The following MARF1 variants were observed in gnomAD, a reference collection of about 807,000 sequenced individuals.
MARF1 encodes the protein meiosis regulator and mRNA stability factor 1.
A neutral mutation model predicts 168.2 loss-of-function variants in MARF1; 24 were observed. That is an observed-to-expected ratio of 0.14 (90% confidence interval 0.10 to 0.20). The LOEUF (loss-of-function observed/expected upper bound fraction) is 0.20, where lower values mean the gene tolerates loss of function less well. Among genes scored for constraint, MARF1 ranks in the 10% least tolerant of loss-of-function variants. The probability of loss-of-function intolerance (pLI) is 1.00; values close to 1 mark genes in which losing one functional copy is unlikely to be tolerated. For missense variants in MARF1, 1,744 were observed against 2,143.6 expected (o/e 0.81, Z 3.68); for synonymous variants, 868 against 822.4 (o/e 1.06, Z -0.95).
In MARF1 at chr16:15,634,347, A is replaced by G. The variant is rs542877448; in HGVS notation, c.1006+410T>C. ...AAAAATGTTTTCAAAACGTCGCATT[A>G]ACTACTTTTTAGGGAAATTATTTTA... On this transcript the variant is annotated intron_variant, in intron 4 of 26. Coordinates refer to ENST00000396368, the MANE Select transcript of MARF1 (RefSeq NM_014647.4). 8.7e-4 allele frequency among the ~76,000 whole-genome samples: 132 copies of G among 152,344 alleles called. 4 individuals are homozygous for G. The South Asian group carries it at 0.024, about 28-fold the overall frequency.
rs747503717 is a variant in MARF1 at position 15,598,851 on chromosome 16, C to A, written c.4984+3G>T. On this transcript the variant is annotated splice_donor_region_variant and intron_variant, in intron 26 of 26. Coordinates refer to ENST00000396368, the MANE Select transcript of MARF1 (RefSeq NM_014647.4). ...ATCCCCATGACAACATGGAGTCACC[C>A]ACCAGAAGGCTCTTGAGGGCGCTCC... 6 of 1,613,974 alleles carry A rather than the reference C, an allele frequency of 3.7e-6. No individual in the cohort carries two copies. In the East Asian group the frequency reaches 1.1e-4, roughly 30 times the overall value.
chr16:15,627,904 C>CCGTA (rs2034984292), intron 7 of MARF1, among the ~76,000 whole-genome samples: 1 of 152,158 alleles, frequency 6.6e-6, no homozygotes, highest in African/African-American at 2.4e-5. Flanking sequence ...TAAATTAGTA[C>CCGTA]CACCTTCCTG....
Position 15,608,532 on chromosome 16 carries a change from CGGGGGGAGGAAA to C in MARF1, c.3955-26_3955-15del, listed in dbSNP as rs1399025102. The C allele has an allele frequency of 6.3e-7, 1 of 1,575,664 alleles. No individual in the cohort carries two copies. Among genetic ancestry groups the C allele is most frequent in the Admixed American group, 1.7e-5 (1 of 59,192 alleles). The stretch of plus-strand genomic sequence containing the variant: ...ACATTCCAATACCTTTGAAAACACA[CGGGGGGAGGAAA>C]GGGAAAATAAACAAATCACGGGTGT... On this transcript the variant is annotated splice_polypyrimidine_tract_variant and intron_variant, in intron 20 of 26. Transcript: ENST00000396368.
chr16:15,642,893 C>G (rs1245717450), intron 1 of MARF1, 125 bp downstream of exon 1: 1 of 167,128 alleles, frequency 6.0e-6, no homozygotes. Flanking sequence ...TAGCTAACCT[C>G]CCCTCTCCAC....
At chr16:15,599,483 G>C (rs548702999) in intron 25 of MARF1, among the ~76,000 whole-genome samples, 6 of 152,348 alleles carry the variant, frequency 3.9e-5, no homozygotes, top group Admixed American at 2.0e-4. Context: ...ACGGAGGTCA[G>C]CACTGCTGAA....
chr16:15,613,519 G>A (rs1284485996), intron 16 of MARF1, among the ~76,000 whole-genome samples: 5 of 151,592 alleles, frequency 3.3e-5, no homozygotes, highest in South Asian at 2.1e-4. Context: ...AAAATTAGCC[G>A]GGCGTGGTGG....
intron 8 of MARF1, 80 bp downstream of exon 8, chr16:15,625,292 C>T: frequency 1.3e-6 from 2 of 1,546,668 alleles, no homozygotes; most frequent in South Asian, 1.2e-5. Context: ...AGGGACACGC[C>T]AAAAGCAAGC....
chr16:15,624,311 C>T (rs769336372), intron 10 of MARF1, among the ~76,000 whole-genome samples: 1 of 152,238 alleles, frequency 6.6e-6, no homozygotes, highest in South Asian at 2.1e-4. Flanking sequence ...CACGGCCTTA[C>T]GGCTTCTCTG....
At position 15,636,303 on chromosome 16, in the gene MARF1, T is replaced by G. The variant is rs770000284; in HGVS notation, c.184A>C (p.Lys62Gln). 1.9e-6 allele frequency: 3 copies of G among 1,581,546 alleles called. No individual in the cohort carries two copies. Among genetic ancestry groups the G allele is most frequent in the Non-Finnish European group, 1.7e-6 (2 of 1,162,664 alleles). ...GCATGAAGGGGTGATGGTACATCCT[T>G]TAGTTCCACAGCAACTTTCTTGTTC... The part of the protein sequence containing the change: ...MENKKVAVEL[K>Q]DVPSPLHAGS... Residue 62 changes from lysine to glutamine, a missense_variant, in exon 3 of 27, where the codon AAG (lysine) becomes CAG (glutamine). Lys to Gln is a moderately conservative substitution (Grantham distance 53, BLOSUM62 1). Coordinates refer to ENST00000396368, the MANE Select transcript of MARF1 (RefSeq NM_014647.4).
rs778161544 is a variant in MARF1 at position 15,616,903 on chromosome 16, G to A, written c.3077+149C>T. 1.7e-5 allele frequency: 19 copies of A among 1,132,688 alleles called. No individual in the cohort carries two copies. The Admixed American group carries it at 2.2e-4, about 13-fold the overall frequency. 70.2% of individuals were successfully genotyped at this position (1,132,688 alleles called of 1,614,324 possible). On this transcript the variant is annotated intron_variant, in intron 15 of 26. Coordinates refer to ENST00000396368, the MANE Select transcript of MARF1 (RefSeq NM_014647.4). The stretch of plus-strand genomic sequence containing the variant: ...GTTGGCCAAAATTTTGTTATGTGGT[G>A]CATGACTGTACTTTGACTGAAGGCT...
At chr16:15,627,892 T>G (rs1442190007) in intron 7 of MARF1, among the ~76,000 whole-genome samples, 1 of 152,290 alleles carries the variant, frequency 6.6e-6, no homozygotes, top group East Asian at 1.9e-4. Flanking sequence ...CTCTTATGAG[T>G]GTAAATTAGT....
intron 22 of MARF1, among the ~76,000 whole-genome samples, chr16:15,603,795 T>G (rs1006695253): frequency 6.6e-6 from 1 of 152,154 alleles, no homozygotes; most frequent in African/African-American, 2.4e-5. Context: ...CCTTCCTTTC[T>G]GCCCTCACCT....
rs1177850497 is a variant in MARF1, at chr16:15,604,389, T to G, written c.4192A>C (p.Ile1398Leu). The G allele has an allele frequency of 2.5e-6, 4 of 1,612,254 alleles. No homozygotes were observed. The highest frequency in any genetic ancestry group is 2.7e-5 in the African/African-American group (2 of 74,904). The change falls in exon 22 of 27, where the codon ATA (isoleucine) becomes CTA (leucine). Residue 1398 changes from isoleucine (I) to leucine (L), a missense_variant. Ile to Leu is a conservative substitution (Grantham distance 5). Coordinates refer to ENST00000396368, the MANE Select transcript of MARF1 (RefSeq NM_014647.4). ...KLCHVVKVAD[I>L]ESGRQIQLIN... is the part of the protein sequence containing the mutation. Reference sequence around the variant, plus strand: ...AGCTGAATCTGTCTGCCAGATTCTATATCGGCAACCTGGGGAAAACGAGAA... The same window carrying G: ...AGCTGAATCTGTCTGCCAGATTCTAGATCGGCAACCTGGGGAAAACGAGAA...
chr16:15,626,079 T>TGTGCCACTGCACTCCACTCTGAGTGACA (rs2034821880), intron 7 of MARF1, among the ~76,000 whole-genome samples: 1 of 152,156 alleles, frequency 6.6e-6, no homozygotes, highest in Non-Finnish European at 1.5e-5. Context: ...CTGGAGTGAC[T>TGTGCCACTGCACTCCACTCTGAGTGACA]GTGCCACTGC....
At chr16:15,598,720 A>G in intron 26 of MARF1, 134 bp downstream of exon 26, 1 of 889,682 alleles carries the variant, frequency 1.1e-6, no homozygotes, top group Non-Finnish European at 1.7e-6. Flanking sequence ...AAGAAGGTCG[A>G]ATAATCAGCA....
intron 16 of MARF1, 41 bp downstream of exon 16, chr16:15,615,789 T>G: frequency 7.0e-7 from 1 of 1,426,380 alleles, no homozygotes; most frequent in Non-Finnish European, 9.3e-7. Flanking sequence ...GGTCTCATAG[T>G]GGACAGGTGG....
At chr16:15,637,847 T>C (rs142539270) in intron 2 of MARF1, among the ~76,000 whole-genome samples, 12 of 152,218 alleles carry the variant, frequency 7.9e-5, no homozygotes, top group East Asian at 1.9e-4. Flanking sequence ...CTAGAGAAAA[T>C]AGAGAATTAA....
At chr16:15,609,235 G>A (rs938525237) in intron 20 of MARF1, among the ~76,000 whole-genome samples, 4 of 151,952 alleles carry the variant, frequency 2.6e-5, no homozygotes, top group Non-Finnish European at 4.4e-5. Flanking sequence ...AAGAAACTCC[G>A]TCTCAAAAAA....
rs372873466 is a variant in MARF1, at chr16:15,617,288, G to C, written c.2957+11C>G. 6.2e-7 allele frequency: 1 copy of C among 1,611,552 alleles called. No homozygotes were observed. Among genetic ancestry groups the C allele is most frequent in the East Asian group, 2.2e-5 (1 of 44,854 alleles). ...AAAAGAATTACTTCTAAAGGAAAAC[G>C]AACGGCACACCTGAAATCCTTATTG... On this transcript the variant is annotated intron_variant, in intron 14 of 26. Coordinates refer to ENST00000396368, the MANE Select transcript of MARF1 (RefSeq NM_014647.4).
Sources: allele counts gnomAD v4.1 joint callset (sites outside exome capture counted in the v4.1 genomes callset), GRCh38; gene constraint gnomAD v4.1.1; transcripts MANE v1.5; gene names NCBI Gene and HGNC (gene_info 2026-07-23, HGNC 2026-07-21).